Variants in LAMA2 observed in about 807,000 individuals in gnomAD.
The protein encoded by LAMA2 is laminin subunit alpha 2.
A neutral mutation model predicts 364.8 loss-of-function variants in LAMA2; 269 were observed. The observed-to-expected ratio is 0.74, with a 90% CI of 0.67 to 0.82. LAMA2 has a LOEUF of 0.82. Among genes scored for constraint, LAMA2 ranks in the 40% least tolerant of loss-of-function variants. LAMA2 has a pLI of 0.00. For missense variants in LAMA2, 3,807 were observed against 3,873.2 expected (o/e 0.98, Z 0.45); for synonymous variants, 1,379 against 1,370.6 (o/e 1.01, Z -0.14).
chr6:129,264,917 G>A (rs1436860707), intron 15 of LAMA2, among the ~76,000 whole-genome samples: 1 of 152,096 alleles, frequency 6.6e-6, no homozygotes, highest in Non-Finnish European at 1.5e-5. Flanking sequence ...TATAATACTT[G>A]TTAAGAGTAG....
At chr6:129,163,668 CATT>C (rs1459460111) in intron 8 of LAMA2, among the ~76,000 whole-genome samples, 2 of 152,124 alleles carry the variant, frequency 1.3e-5, no homozygotes, top group African/African-American at 2.4e-5. Flanking sequence ...AATAAATTCT[CATT>C]ATATTTACTT....
chr6:129,025,449 G>C (rs150590523), intron 1 of LAMA2, among the ~76,000 whole-genome samples: 39 of 152,230 alleles, frequency 2.6e-4, no homozygotes, highest in African/African-American at 8.7e-4. Context: ...CGTGAGAATG[G>C]TTATTGCTCT....
At chr6:129,066,038 GTTTTTT>G (rs544271722) in intron 3 of LAMA2, among the ~76,000 whole-genome samples, 3 of 37,116 alleles carry the variant, frequency 8.1e-5, no homozygotes, top group African/African-American at 1.7e-4. Flanking sequence ...CCAGTCTCAG[GTTTTTT>G]TTTTTTTTTT....
chr6:129,422,644 A>G (rs1252522906), intron 40 of LAMA2, among the ~76,000 whole-genome samples: 1 of 152,166 alleles, frequency 6.6e-6, no homozygotes, highest in Admixed American at 6.5e-5. Flanking sequence ...CAAACTACCA[A>G]AACTCACAGA....
At chr6:129,349,157 A>C in intron 30 of LAMA2, 141 bp from the exon 31 acceptor site, 1 of 679,326 alleles carries the variant, frequency 1.5e-6, no homozygotes, top group Non-Finnish European at 2.7e-6. Flanking sequence ...AGCCTTAAAT[A>C]AGAACTTCAG....
intron 3 of LAMA2, among the ~76,000 whole-genome samples, chr6:129,075,167 A>C (rs149469415): frequency 3.6e-4 from 55 of 152,288 alleles, no homozygotes; most frequent in East Asian, 3.1e-3. Flanking sequence ...TCAGGAAGTG[A>C]TATTTGAGCT....
chr6:129,274,709 G>A (rs1374184997), intron 17 of LAMA2, among the ~76,000 whole-genome samples: 2 of 151,930 alleles, frequency 1.3e-5, no homozygotes, highest in African/African-American at 2.4e-5. Context: ...ACTATGCTTG[G>A]CCTTCTCATC....
At chr6:129,282,344 A>G (rs981864251) in intron 18 of LAMA2, among the ~76,000 whole-genome samples, 2 of 152,218 alleles carry the variant, frequency 1.3e-5, no homozygotes, top group African/African-American at 4.8e-5. Flanking sequence ...AGGTGGGACA[A>G]GAGTTATAAC....
At chr6:129,255,404 T>TA (rs1355029872) in intron 14 of LAMA2, among the ~76,000 whole-genome samples, 1 of 19,982 alleles carries the variant, frequency 5.0e-5, no homozygotes, top group Non-Finnish European at 1.1e-4. Flanking sequence ...AGACTCTGTC[T>TA]CAAAAAAAAA....
chr6:129,210,024 A>AAAAAAAAAAAAAAT (rs200129656), intron 12 of LAMA2, among the ~76,000 whole-genome samples: 14 of 145,318 alleles, frequency 9.6e-5, no homozygotes, highest in East Asian at 8.9e-4. Context: ...AAAAAAAAAA[A>AAAAAAAAAAAAAAT]ATTTTTACTA....
chr6:129,163,558 C>T (rs563038604), intron 8 of LAMA2, among the ~76,000 whole-genome samples: 1 of 152,128 alleles, frequency 6.6e-6, no homozygotes, highest in Non-Finnish European at 1.5e-5. Flanking sequence ...AGCTTGAACC[C>T]AGGAAGTGAG....
intron 34 of LAMA2, among the ~76,000 whole-genome samples, chr6:129,375,798 G>A (rs868338144): frequency 6.6e-6 from 1 of 152,080 alleles, no homozygotes. Flanking sequence ...GGTCCTATGT[G>A]CCTTACTATG....
chr6:129,220,811 T>A (rs1007633539), intron 12 of LAMA2, among the ~76,000 whole-genome samples: 8 of 152,204 alleles, frequency 5.3e-5, no homozygotes, highest in Non-Finnish European at 1.0e-4. Flanking sequence ...GACCTGTGTA[T>A]TTTTTGTCTG....
chr6:129,437,125 C>A (rs1183348754), intron 41 of LAMA2: 7 of 152,018 alleles, frequency 4.6e-5, no homozygotes, highest in Admixed American at 4.6e-4. Flanking sequence ...CTCTACTAAT[C>A]CCTAGTTTTG....
At chr6:129,434,373 T>C (rs1781739705) in intron 41 of LAMA2, among the ~76,000 whole-genome samples, 1 of 152,094 alleles carries the variant, frequency 6.6e-6, no homozygotes, top group Non-Finnish European at 1.5e-5. Context: ...TTCTACTCTA[T>C]GAGGAGGAGA....
chr6:129,362,585 A>G (rs1170611365), intron 32 of LAMA2, among the ~76,000 whole-genome samples: 2 of 152,236 alleles, frequency 1.3e-5, no homozygotes, highest in Non-Finnish European at 2.9e-5. Context: ...TATTTACTGA[A>G]TATTAACTGT....
intron 1 of LAMA2, among the ~76,000 whole-genome samples, chr6:128,900,263 C>T (rs150549643): frequency 1.9e-3 from 288 of 152,194 alleles, no homozygotes; most frequent in African/African-American, 6.5e-3. Flanking sequence ...AAAAATAAGG[C>T]GGAGCTGGCC....
At chr6:128,938,346 A>C (rs1244675934) in intron 1 of LAMA2, among the ~76,000 whole-genome samples, 4 of 152,146 alleles carry the variant, frequency 2.6e-5, no homozygotes, top group Non-Finnish European at 5.9e-5. Context: ...TTTATGATTA[A>C]CTAATGTTTT....
intron 62 of LAMA2, among the ~76,000 whole-genome samples, chr6:129,511,878 A>C (rs2571574): frequency 0.77 from 117,546 of 152,048 alleles, 45,509 homozygotes; most frequent in Non-Finnish European, 0.78. Flanking sequence ...AACTTTTGAA[A>C]CCTTTCAGAT....
Sources: allele counts gnomAD v4.1 joint callset (sites outside exome capture counted in the v4.1 genomes callset), GRCh38; gene constraint gnomAD v4.1.1; transcripts MANE v1.5; gene names NCBI Gene and HGNC (gene_info 2026-07-23, HGNC 2026-07-21).